NCOR2: variants seen among roughly 807,000 people sequenced by gnomAD.
NCOR2 encodes CTG repeat protein 26.
In NCOR2, 81 loss-of-function variants were observed where a neutral mutation model predicts 262.9. That is an observed-to-expected ratio of 0.31 (90% CI 0.26 to 0.37). The LOEUF (loss-of-function observed/expected upper bound fraction) is 0.37, where lower values mean the gene tolerates loss of function less well. Ranked by LOEUF, NCOR2 falls within the 10% of genes least tolerant of loss-of-function variation. NCOR2 has a pLI of 1.00. For synonymous variants in NCOR2, 1,659 were observed against 1,559.3 expected (o/e 1.06, Z -1.51); for missense variants, 3,385 against 3,621.4 (o/e 0.93, Z 1.68).
chr12:124,335,508 C>A, exon 39 of NCOR2: 1 of 1,607,826 alleles, frequency 6.2e-7, no homozygotes, highest in Non-Finnish European at 8.5e-7. Flanking sequence ...GCAGCTCCCC[C>A]TCCAGGTGGC....
At chr12:124,325,388 C>A (rs906374455) in exon 47 of NCOR2, 7 of 693,386 alleles carry the variant, frequency 1.0e-5, no homozygotes, top group Non-Finnish European at 1.4e-5. Flanking sequence ...CCCCCCCCCC[C>A]GCCCTGTTCT....
intron 5 of NCOR2, among the ~76,000 whole-genome samples, chr12:124,465,526 T>C (rs935054971): frequency 6.6e-6 from 1 of 152,126 alleles, no homozygotes; most frequent in Admixed American, 6.6e-5. Context: ...GGGATCTCCA[T>C]GGGCCTCCAC....
At chr12:124,371,292 C>A (rs1367863771) in intron 20 of NCOR2, among the ~76,000 whole-genome samples, 1 of 151,886 alleles carries the variant, frequency 6.6e-6, no homozygotes, top group Admixed American at 6.6e-5. Context: ...CACCTCGGGC[C>A]TTCGCACTTG....
At chr12:124,339,901 A>ACCCCCCCTATACCT in intron 37 of NCOR2, 105 bp downstream of exon 39, 2 of 186,870 alleles carry the variant, frequency 1.1e-5, no homozygotes, top group Non-Finnish European at 2.0e-5. Flanking sequence ...CTGCCCACCC[A>ACCCCCCCTATACCT]CCCACCTCCC....
chr12:124,327,995 T>C (rs2034834273), intron 44 of NCOR2, among the ~76,000 whole-genome samples: 3 of 151,756 alleles, frequency 2.0e-5, no homozygotes, highest in Admixed American at 2.0e-4. Context: ...GCACCTCCAA[T>C]CCTAGCTGGG....
chr12:124,330,957 C>A, intron 43 of NCOR2, 59 bp from the exon 46 acceptor site: 1 of 1,537,102 alleles, frequency 6.5e-7, no homozygotes, highest in Non-Finnish European at 8.8e-7. Context: ...ACCTGCCCTA[C>A]CAGTCCCGTG....
rs57591636 is a variant in NCOR2, at chr12:124,503,339, T to C, written c.-117-7971A>G. Among the ~76,000 whole-genome samples, 15,701 of 151,770 alleles carry C rather than the reference T, an allele frequency of 0.1. 967 individuals are homozygous for C. Among genetic ancestry groups the C allele is most frequent in the East Asian group, 0.2 (1,034 of 5,156 alleles). On this transcript the variant is annotated intron_variant, in intron 1 of 46. Transcript: ENST00000404621. The surrounding 1 kb of genome is among the most constrained non-coding windows in gnomAD (Gnocchi z 4.3). ...AGGTGCTCAGCAGGGGGTGGCTGGA[T>C]GGAGGGAGAAGATGGAAGAGGGATA... is the stretch of plus-strand genomic sequence containing the variant.
At chr12:124,560,151 G>A (rs908425303) in intron 1 of NCOR2, among the ~76,000 whole-genome samples, 6 of 152,222 alleles carry the variant, frequency 3.9e-5, no homozygotes, top group Non-Finnish European at 8.8e-5. Context: ...AACCGTGCAA[G>A]GCTACACTGA....
chr12:124,440,570 G>A lies in NCOR2; in HGVS notation c.816-2574C>T, dbSNP rs1365606482. Reference sequence around the variant, plus strand: ...CTATGGCATCGCAGCCTCATCTTCTGTTATTCAATAACTGTTTACTGAGCA... The same window carrying A: ...CTATGGCATCGCAGCCTCATCTTCTATTATTCAATAACTGTTTACTGAGCA... On this transcript the variant is annotated intron_variant, in intron 7 of 46. Transcript: ENST00000405201. This position sits in a 1 kb window ranked among gnomAD's most constrained non-coding sequence, Gnocchi z 5.7. Among the ~76,000 whole-genome samples the A allele has an allele frequency of 6.6e-6, 1 of 152,244 alleles. No individual in the cohort carries two copies. Among genetic ancestry groups the A allele is most frequent in the Admixed American group, 6.5e-5 (1 of 15,282 alleles).
chr12:124,326,054 TG>T, intron 46 of NCOR2, 136 bp downstream of exon 48: 1 of 989,888 alleles, frequency 1.0e-6, no homozygotes, highest in Non-Finnish European at 1.4e-6. Context: ...CCCAGGCCCC[TG>T]GACAGCGTTT....
chr12:124,433,086 T>C (rs923982300), intron 8 of NCOR2, among the ~76,000 whole-genome samples: 1 of 152,164 alleles, frequency 6.6e-6, no homozygotes, highest in Non-Finnish European at 1.5e-5. Context: ...AAGGGCAAGC[T>C]GTGCCCTCCA....
intron 7 of NCOR2, among the ~76,000 whole-genome samples, chr12:124,448,151 A>G (rs751291988): frequency 2.6e-5 from 4 of 152,224 alleles, no homozygotes; most frequent in African/African-American, 4.8e-5. Flanking sequence ...GATGGGATGA[A>G]TGAATGAGGG....
At chr12:124,377,839 A>G (rs2040128749) in intron 18 of NCOR2, among the ~76,000 whole-genome samples, 1 of 135,446 alleles carries the variant, frequency 7.4e-6, no homozygotes, top group Admixed American at 7.2e-5. Flanking sequence ...ACTCCGTCTG[A>G]AAAAAAAAAA....
chr12:124,447,346 T>C (rs2045244110), intron 7 of NCOR2, among the ~76,000 whole-genome samples: 1 of 152,270 alleles, frequency 6.6e-6, no homozygotes, highest in African/African-American at 2.4e-5. Flanking sequence ...GATTATGAGA[T>C]GTCAAATACA....
At chr12:124,535,091 G>T (rs774356404) in intron 1 of NCOR2, among the ~76,000 whole-genome samples, 20 of 152,334 alleles carry the variant, frequency 1.3e-4, no homozygotes, top group South Asian at 2.1e-4. Flanking sequence ...CAGGACCCAG[G>T]CCACCTCTTT....
chr12:124,347,621 T>G, intron 30 of NCOR2: 4 of 578,996 alleles, frequency 6.9e-6, no homozygotes, highest in East Asian at 2.8e-5. Context: ...ATCGGTGGTA[T>G]TTTGCTTTTT....
chr12:124,333,311 G>C (rs764669574), intron 41 of NCOR2, 32 bp from the exon 44 acceptor site: 5 of 1,546,842 alleles, frequency 3.2e-6, no homozygotes, highest in Non-Finnish European at 2.6e-6. Flanking sequence ...GATGTGGTCA[G>C]AGGTCTCCCT....
chr12:124,562,612 T>C (rs1396215774), intron 1 of NCOR2, among the ~76,000 whole-genome samples: 1 of 151,974 alleles, frequency 6.6e-6, no homozygotes, highest in South Asian at 2.1e-4. Flanking sequence ...TAAAGACTAA[T>C]GGAAAACCTC....
rs12370096 is a variant in NCOR2, at chr12:124,488,872, G to A, written c.106-2304C>T. ...CAGCCAACCATGGTGGAGGAGGCCC[G>A]AAGTGGGGGCTGGGGAGGCCTCTGC... On this transcript the variant is annotated intron_variant, in intron 1 of 46. Coordinates refer to ENST00000405201, the Ensembl canonical transcript of NCOR2. Among the ~76,000 whole-genome samples the A allele has an allele frequency of 2.5e-3, 383 of 152,272 alleles. 5 individuals are homozygous for A. Among genetic ancestry groups the A allele is most frequent in the Non-Finnish European group, 2.2e-3 (148 of 68,020 alleles).
Sources: gnomAD v4.1 joint callset for allele counts (sites outside exome capture counted in the v4.1 genomes callset) on GRCh38, gnomAD v4.1.1 for gene constraint, Gnocchi (gnomAD v3.1) non-coding constraint, MANE v1.5 for transcripts, NCBI Gene and HGNC (gene_info 2026-07-23, HGNC 2026-07-21) for gene names.